The following GOLGA4 variants were observed in gnomAD, a reference collection of about 807,000 sequenced individuals.
The protein encoded by GOLGA4 is golgin subfamily A member 4.
GOLGA4 carries 169 observed loss-of-function variants against 265.9 expected under a neutral mutation model. The observed-to-expected ratio is 0.64, with a 90% CI of 0.56 to 0.72. The LOEUF is 0.72. GOLGA4 is among the 30% of genes least tolerant of loss of function. The probability of loss-of-function intolerance (pLI) is 0.00; values close to 1 mark genes in which losing one functional copy is unlikely to be tolerated. For synonymous variants in GOLGA4, 923 were observed against 855.8 expected (o/e 1.08, Z -1.37); for missense variants, 2,482 against 2,483.4 (o/e 1.00, Z 0.01).
chr3:37,294,946 T>C, intron 5 of GOLGA4, 33 bp from the exon 6 acceptor site: 1 of 1,425,696 alleles, frequency 7.0e-7, no homozygotes, highest in South Asian at 1.2e-5. Context: ...TGTTTTATAC[T>C]GAAAATTACC....
chr3:37,350,082 G>T (rs1486375668), intron 21 of GOLGA4, among the ~76,000 whole-genome samples: 2 of 152,072 alleles, frequency 1.3e-5, no homozygotes, highest in Non-Finnish European at 2.9e-5. Context: ...TATTGAAGAT[G>T]CCTCTCCCTA....
chr3:37,324,822 C>G lies in GOLGA4; in HGVS notation c.2936C>G (p.Ala979Gly). Residue 979 changes from alanine (A) to glycine (G), a missense_variant, in exon 14 of 24, where the codon GCC (alanine) becomes GGC (glycine). This residue lies in a region of GOLGA4 where 1,536 missense variants were observed against 1,483.7 expected (regional missense o/e 1.04). Transcript: ENST00000361924. The part of the protein sequence containing the change: ...TLKKKLLDQE[A>G]KLKKELENTA... ...AAGAAAAAATTACTGGATCAGGAAG[C>G]CAAACTTAAGAAAGAGCTTGAAAAT... 1 of 1,585,188 alleles carries G rather than the reference C, an allele frequency of 6.3e-7. No homozygotes were observed. The highest frequency in any genetic ancestry group is 8.5e-7 in the Non-Finnish European group (1 of 1,172,850).
rs1394740022 is a variant in GOLGA4, at chr3:37,325,286, G to A, written c.3400G>A (p.Ala1134Thr). 2.2e-5 allele frequency: 35 copies of A among 1,613,362 alleles called. No individual in the cohort carries two copies. The highest frequency in any genetic ancestry group is 2.8e-5 in the Non-Finnish European group (33 of 1,179,706). Residue 1134 changes from alanine to threonine, a missense_variant, in exon 14 of 24, where the codon GCT becomes ACT. By Grantham distance (58) the Ala-to-Thr change is moderately conservative (BLOSUM62 0). Coordinates refer to ENST00000361924, the MANE Select transcript of GOLGA4 (RefSeq NM_002078.5). ...TGCACAAGATGAAACTAAACTGAAA[G>A]CTCATCTTGAAAAGCTAGAGGTTGA... is the stretch of plus-strand genomic sequence containing the variant. ...SLAQDETKLKAHLEKLEVDLN... is the reference protein window; with the variant it reads ...SLAQDETKLKTHLEKLEVDLN...
intron 5 of GOLGA4, among the ~76,000 whole-genome samples, chr3:37,294,412 G>A (rs898166008): frequency 3.5e-5 from 5 of 141,500 alleles, no homozygotes; most frequent in African/African-American, 1.3e-4. Flanking sequence ...GGGAGACCAA[G>A]CCTCACTCTA....
chr3:37,291,308 T>G (rs1006341383), intron 5 of GOLGA4, among the ~76,000 whole-genome samples: 1 of 152,108 alleles, frequency 6.6e-6, no homozygotes, highest in Non-Finnish European at 1.5e-5. Flanking sequence ...CCTTCTCCAC[T>G]AAGAGCCCTT....
At chr3:37,318,799 A>G (rs1327239222) in intron 11 of GOLGA4, among the ~76,000 whole-genome samples, 1 of 151,952 alleles carries the variant, frequency 6.6e-6, no homozygotes, top group East Asian at 1.9e-4. Context: ...CTTGTAGGGA[A>G]CATCCCTGCA....
chr3:37,351,381 C>G (rs1350153008), intron 21 of GOLGA4, among the ~76,000 whole-genome samples: 2 of 152,112 alleles, frequency 1.3e-5, no homozygotes, highest in African/African-American at 4.8e-5. Flanking sequence ...TTGAATCCCT[C>G]CAAATCATCC....
At chr3:37,299,639 A>C (rs1390740636) in intron 9 of GOLGA4, among the ~76,000 whole-genome samples, 1 of 152,246 alleles carries the variant, frequency 6.6e-6, no homozygotes. Flanking sequence ...TTTATAGTAC[A>C]TAACTACTTT....
In GOLGA4 at chr3:37,347,270, G is replaced by A; in HGVS notation, c.6550G>A (p.Glu2184Lys). ...EFEYLRKVLFEYMMGRETKTM... is the reference protein window; with the variant it reads ...EFEYLRKVLFKYMMGRETKTM... ...TGAGTATTTGCGAAAAGTGCTTTTTGAGTATATGATGGGTCGTGAGACTAA... is the reference window on the plus strand; with the variant it reads ...TGAGTATTTGCGAAAAGTGCTTTTTAAGTATATGATGGGTCGTGAGACTAA... Residue 2184 changes from glutamate (E) to lysine (K), a missense_variant, in exon 21 of 24, where the codon GAG becomes AAG. Glu to Lys is a moderately conservative substitution (Grantham distance 56). Around this residue, in one of 3 missense-constraint regions of GOLGA4, gnomAD observed 942 missense variants for 983.1 expected, o/e 0.96. Coordinates refer to ENST00000361924, the MANE Select transcript of GOLGA4 (RefSeq NM_002078.5). 1 of 1,606,714 alleles carries A rather than the reference G, an allele frequency of 6.2e-7. No homozygotes were observed.
chr3:37,321,996 A>G (rs2096956305), intron 13 of GOLGA4, 110 bp downstream of exon 13: 3 of 821,598 alleles, frequency 3.7e-6, no homozygotes, highest in East Asian at 2.7e-5. Context: ...AGATTTATGT[A>G]TACATGCCCT....
chr3:37,319,286 AGACTACTGGCAGTCTT>A, intron 12 of GOLGA4, 92 bp downstream of exon 12: 1 of 1,004,146 alleles, frequency 1.0e-6, no homozygotes. Flanking sequence ...GTTGGAAGTC[AGACTACTGGCAGTCTT>A]GACGTTTGGG....
intron 10 of GOLGA4, among the ~76,000 whole-genome samples, chr3:37,306,650 G>C (rs1044090276): frequency 3.9e-5 from 6 of 151,900 alleles, no homozygotes; most frequent in African/African-American, 1.5e-4. Context: ...TTTCCATTTA[G>C]TGTTTTCTCT....
intron 2 of GOLGA4, among the ~76,000 whole-genome samples, chr3:37,281,496 C>G (rs1466826941): frequency 6.6e-6 from 1 of 152,148 alleles, no homozygotes; most frequent in Non-Finnish European, 1.5e-5. Context: ...CCAGATAAAG[C>G]CCACTTGAGT....
chr3:37,304,496 T>C (rs1434431317), intron 10 of GOLGA4, among the ~76,000 whole-genome samples: 1 of 152,230 alleles, frequency 6.6e-6, no homozygotes, highest in Non-Finnish European at 1.5e-5. Flanking sequence ...AAGACATTGG[T>C]TCAACAGGTT....
At chr3:37,259,221 T>C (rs1578381518) in intron 2 of GOLGA4, among the ~76,000 whole-genome samples, 1 of 152,226 alleles carries the variant, frequency 6.6e-6, no homozygotes, top group East Asian at 1.9e-4. Flanking sequence ...TCTAGGAGTT[T>C]GTCCATTTCA....
At chr3:37,258,039 A>T (rs1192151966) in intron 2 of GOLGA4, among the ~76,000 whole-genome samples, 1 of 69,034 alleles carries the variant, frequency 1.4e-5, no homozygotes, top group Non-Finnish European at 3.0e-5. Context: ...ATATGTATAT[A>T]TACATACATA....
intron 19 of GOLGA4, among the ~76,000 whole-genome samples, chr3:37,338,243 G>T (rs1009624481): frequency 6.6e-6 from 1 of 152,122 alleles, no homozygotes; most frequent in Non-Finnish European, 1.5e-5. Context: ...AGAAATAGTG[G>T]CTCAAATCAG....
chr3:37,358,934 A>C (rs1018003023), intron 22 of GOLGA4, among the ~76,000 whole-genome samples: 1 of 152,198 alleles, frequency 6.6e-6, no homozygotes, highest in Admixed American at 6.5e-5. Context: ...TTTGACCCTC[A>C]TTGGTAAAAT....
At chr3:37,350,977 C>T (rs1259306507) in intron 21 of GOLGA4, among the ~76,000 whole-genome samples, 2 of 152,054 alleles carry the variant, frequency 1.3e-5, no homozygotes, top group Non-Finnish European at 2.9e-5. Flanking sequence ...GTGTCTGTGG[C>T]ATTTTCCTAA....
Sources: gnomAD v4.1 joint callset for allele counts (sites outside exome capture counted in the v4.1 genomes callset) on GRCh38, gnomAD v4.1.1 for gene constraint, gnomAD v4.1.1 regional missense constraint, MANE v1.5 for transcripts, NCBI Gene and HGNC (gene_info 2026-07-23, HGNC 2026-07-21) for gene names.